The following DPH6 variants were observed in gnomAD, a reference collection of about 807,000 sequenced individuals.
The protein encoded by DPH6 is diphthamine biosynthesis 6.
A neutral mutation model predicts 38.2 loss-of-function variants in DPH6; 33 were observed. The ratio of observed to expected loss-of-function variants is 0.86; its 90% CI spans 0.65 to 1.15. The LOEUF is 1.15. Ranked by LOEUF, DPH6 falls within the 50% of genes most tolerant of loss-of-function variation. The probability of loss-of-function intolerance (pLI) is 0.00; values close to 1 mark genes in which losing one functional copy is unlikely to be tolerated. For synonymous variants in DPH6, 108 were observed against 103.0 expected, an observed-to-expected ratio of 1.05 and a Z score of -0.30; for missense variants, 325 against 320.0, an observed-to-expected ratio of 1.02 and a Z score of -0.12.
chr15:35,512,057 T>C (rs2141218032), intron 3 of DPH6, among the ~76,000 whole-genome samples: 1 of 152,292 alleles, frequency 6.6e-6, no homozygotes, highest in East Asian at 1.9e-4. Context: ...CTATGGGATA[T>C]TTAGTGAACA....
chr15:35,239,901 C>T lies in DPH6; in HGVS notation n.201-19319G>A, dbSNP rs551519748. Among the ~76,000 whole-genome samples, 111 of 141,538 alleles carry T rather than the reference C, an allele frequency of 7.8e-4. 14 individuals carry two copies. The highest frequency in any genetic ancestry group is 1.4e-3 in the Non-Finnish European group (91 of 64,816). 92.9% of individuals were successfully genotyped at this position (141,538 alleles called of 152,430 possible). ...TCTCTGTGCCCCAATCCCTTATTTCCGCGCCCTAACCTCTTATCTCTGTGC... is the reference window on the plus strand; with the variant it reads ...TCTCTGTGCCCCAATCCCTTATTTCTGCGCCCTAACCTCTTATCTCTGTGC... On this transcript the variant is annotated intron_variant and non_coding_transcript_variant, in intron 3 of 3. Transcript: ENST00000560386.
At chr15:35,353,632 G>T (rs1167041352) in intron 3 of DPH6, among the ~76,000 whole-genome samples, 2 of 152,130 alleles carry the variant, frequency 1.3e-5, no homozygotes, top group Non-Finnish European at 2.9e-5. Context: ...CTGTTCCATT[G>T]GTCTATATCT....
chr15:35,525,207 T>C (rs1378377026), intron 3 of DPH6, among the ~76,000 whole-genome samples: 2 of 152,156 alleles, frequency 1.3e-5, no homozygotes, highest in African/African-American at 4.8e-5. Context: ...AAAGCTACAC[T>C]TGAGGAAATC....
intron 6 of DPH6, among the ~76,000 whole-genome samples, chr15:35,388,588 G>C (rs528543324): frequency 6.6e-6 from 1 of 152,164 alleles, no homozygotes; most frequent in African/African-American, 2.4e-5. Flanking sequence ...ATGTGTCCAG[G>C]AATTTATCCA....
At chr15:35,334,820 A>G (rs2052355819) in intron 3 of DPH6, among the ~76,000 whole-genome samples, 1 of 152,118 alleles carries the variant, frequency 6.6e-6, no homozygotes. Flanking sequence ...ATGGGCATTT[A>G]AGCTGATTCC....
chr15:35,435,701 G>C (rs888175937), intron 5 of DPH6, among the ~76,000 whole-genome samples: 1 of 152,082 alleles, frequency 6.6e-6, no homozygotes, highest in African/African-American at 2.4e-5. Flanking sequence ...TTGGTTGTGA[G>C]ACAAGAACCC....
At chr15:35,285,407 C>T (rs1382459198) in intron 3 of DPH6, among the ~76,000 whole-genome samples, 1 of 152,098 alleles carries the variant, frequency 6.6e-6, no homozygotes, top group Non-Finnish European at 1.5e-5. Context: ...GGGAATAAGT[C>T]TCACGAGATC....
At chr15:35,290,666 C>T (rs1015091575) in intron 3 of DPH6, among the ~76,000 whole-genome samples, 2 of 152,260 alleles carry the variant, frequency 1.3e-5, no homozygotes, top group African/African-American at 2.4e-5. Context: ...TGTCTCATTT[C>T]GAACAACAGT....
At chr15:35,205,461 C>T in the DPH6 span, among the ~76,000 whole-genome samples, 251 of 151,982 alleles carry the variant, frequency 1.7e-3, 1 homozygote, top group South Asian at 0.017. Flanking sequence ...CCATTGAACA[C>T]GATAAGATAT....
intron 3 of DPH6, among the ~76,000 whole-genome samples, chr15:35,487,897 T>G (rs978880002): frequency 1.2e-4 from 19 of 152,214 alleles, no homozygotes; most frequent in Non-Finnish European, 1.5e-5. Context: ...CATATGAGCA[T>G]ACAATTTTAG....
intron 3 of DPH6, among the ~76,000 whole-genome samples, chr15:35,459,513 A>T (rs2054036607): frequency 2.0e-5 from 3 of 152,168 alleles, no homozygotes; most frequent in Admixed American, 2.0e-4. Context: ...AGTTTATAGC[A>T]CTATCCAAAT....
intron 3 of DPH6, among the ~76,000 whole-genome samples, chr15:35,349,313 C>T (rs190977171): frequency 6.6e-6 from 1 of 152,236 alleles, no homozygotes; most frequent in Admixed American, 6.5e-5. Context: ...ATGGCCTTTA[C>T]CATATTGAGG....
intron 3 of DPH6, chr15:35,299,276 G>A: frequency 9.5e-7 from 1 of 1,052,342 alleles, no homozygotes; most frequent in Admixed American, 1.7e-5. Flanking sequence ...CCACCTCGTT[G>A]TAGGTCAATG....
chr15:35,418,590 T>C (rs1320127904), intron 5 of DPH6, among the ~76,000 whole-genome samples: 1 of 152,136 alleles, frequency 6.6e-6, no homozygotes, highest in Non-Finnish European at 1.5e-5. Context: ...TTTACTTGCA[T>C]GTATCAATGG....
At chr15:35,535,776 C>T (rs1217985838) in intron 3 of DPH6, among the ~76,000 whole-genome samples, 1 of 152,038 alleles carries the variant, frequency 6.6e-6, no homozygotes, top group African/African-American at 2.4e-5. Context: ...GTCAGAGTCA[C>T]CTGCTAATTT....
chr15:35,385,576 G>C (rs1344358981), intron 6 of DPH6, among the ~76,000 whole-genome samples: 1 of 152,022 alleles, frequency 6.6e-6, no homozygotes, highest in Non-Finnish European at 1.5e-5. Flanking sequence ...AGAACACATG[G>C]ATACAGGGAG....
chr15:35,231,151 TGTG>T (rs2051514706), intron 3 of DPH6, among the ~76,000 whole-genome samples: 1 of 152,208 alleles, frequency 6.6e-6, no homozygotes, highest in Admixed American at 6.5e-5. Flanking sequence ...CACTGTAGAC[TGTG>T]GTGATGAGGC....
At chr15:35,338,144 C>T (rs1039076037) in intron 3 of DPH6, among the ~76,000 whole-genome samples, 39 of 152,250 alleles carry the variant, frequency 2.6e-4, no homozygotes, top group African/African-American at 9.4e-4. Context: ...ATCTAAAACA[C>T]CAAAAGCAAT....
chr15:35,486,063 A>G (rs1444584190), intron 3 of DPH6, among the ~76,000 whole-genome samples: 1 of 152,228 alleles, frequency 6.6e-6, no homozygotes, highest in Non-Finnish European at 1.5e-5. Context: ...TAATTTATAA[A>G]GGAAAGAGGT....
Sources: gnomAD v4.1 joint callset for allele counts (sites outside exome capture counted in the v4.1 genomes callset) on GRCh38, gnomAD v4.1.1 for gene constraint, MANE v1.5 for transcripts, NCBI Gene and HGNC (gene_info 2026-07-23, HGNC 2026-07-21) for gene names.